PTGER1: variants seen among roughly 807,000 people sequenced by gnomAD.
PTGER1 encodes prostaglandin E receptor 1.
A neutral mutation model predicts 18.5 loss-of-function variants in PTGER1; 15 were observed. That is an observed-to-expected ratio of 0.81 (90% confidence interval 0.54 to 1.25). PTGER1 has a LOEUF of 1.25. Among genes scored for constraint, PTGER1 ranks in the 50% most tolerant of loss-of-function variants. The pLI is 0.00. For synonymous variants in PTGER1, 339 were observed against 308.4 expected (o/e 1.10, Z -1.04); for missense variants, 567 against 603.4 (o/e 0.94, Z 0.63).
Position 14,473,470 on chromosome 19 carries a change from G to C in PTGER1, c.851C>G (p.Ser284Trp). ...TFFGGSRSSG[S>W]ARRARAHDVE... ...GTCGTGGGCGCGAGCTCTGCGTGCC[G>C]AGCCGCTGCTCCGAGAGCCGCCAAA... Residue 284 changes from serine (S) to tryptophan (W), a missense_variant, in exon 2 of 3, where the codon TCG becomes TGG. Transcript: ENST00000292513. The surrounding 1 kb of genome is among the most constrained non-coding windows in gnomAD (Gnocchi z 7.1). 1.9e-6 allele frequency: 3 copies of C among 1,589,902 alleles called. No homozygotes were observed. The highest frequency in any genetic ancestry group is 1.7e-5 in the Admixed American group (1 of 57,444).
chr19:14,473,604 T>A lies in PTGER1; in HGVS notation c.717A>T (p.Arg239=). 13 of 1,462,924 alleles carry A rather than the reference T, an allele frequency of 8.9e-6. No individual in the cohort carries two copies. Among genetic ancestry groups the A allele is most frequent in the Non-Finnish European group, 1.2e-5 (13 of 1,118,104 alleles). The allele number at this position is 1,462,924 out of a possible 1,614,324, so 90.6% of individuals were successfully genotyped here. A position where few individuals can be genotyped will look rare whatever the true frequency, so the allele number is the denominator to read the frequency against. Residue 239 remains arginine, a synonymous_variant, in exon 2 of 3, where the codon CGA becomes CGT. Transcript: ENST00000292513. This position sits in a 1 kb window ranked among gnomAD's most constrained non-coding sequence, Gnocchi z 7.1. The part of the protein sequence containing the change: ...LLRARWRRRS[R]RPPPASGPDS... The stretch of plus-strand genomic sequence containing the variant: ...CGGGGCCTGAGGCCGGGGGAGGCCG[T>A]CGGGAGCGGCGTCGCCAGCGGGCGC...
Position 14,472,583 on chromosome 19 carries a change from G to C in PTGER1, c.1186C>G (p.His396Asp). 6.3e-7 allele frequency: 1 copy of C among 1,592,424 alleles called. No individual in the cohort carries two copies. Among genetic ancestry groups the C allele is most frequent in the Non-Finnish European group, 8.5e-7 (1 of 1,172,260 alleles). ...GCTTAGAAGTGGCTGAGGCCGCTGT[G>C]CCGGGAGCTGCGCAGCGAGCTGGCC... ...WEASSLRSSR[H>D]SGLSHF The change falls in exon 3 of 3, where the codon CAC (histidine) becomes GAC (aspartate). Residue 396 changes from histidine (H) to aspartate (D), a missense_variant. By Grantham distance (81) the His-to-Asp change is moderately conservative. Coordinates refer to ENST00000292513, the MANE Select transcript of PTGER1 (RefSeq NM_000955.3).
chr19:14,472,601 A>G lies in PTGER1; in HGVS notation c.1168T>C (p.Ser390Pro). ...CCGCTGTGCCGGGAGCTGCGCAGCG[A>G]GCTGGCCTCCCAGGCGCTCGGTGTT... ...GLTPSAWEAS[S>P]LRSSRHSGLS... is the part of the protein sequence containing the mutation. The change falls in exon 3 of 3, where the codon TCG becomes CCG. Residue 390 changes from serine to proline, a missense_variant. Coordinates refer to ENST00000292513, the MANE Select transcript of PTGER1 (RefSeq NM_000955.3). 6.2e-7 allele frequency: 1 copy of G among 1,600,294 alleles called. No individual in the cohort carries two copies. Among genetic ancestry groups the G allele is most frequent in the African/African-American group, 1.3e-5 (1 of 74,676 alleles).
Position 14,473,811 on chromosome 19 carries a change from C to A in PTGER1, c.510G>T (p.Leu170=). 1 of 1,400,624 alleles carries A rather than the reference C, an allele frequency of 7.1e-7. No homozygotes were observed. Among genetic ancestry groups the A allele is most frequent in the Non-Finnish European group, 9.3e-7 (1 of 1,076,690 alleles). The allele number at this position is 1,400,624 out of a possible 1,614,324, so 86.8% of individuals were successfully genotyped here. The part of the protein sequence containing the change: ...AVAAVALAVA[L]LPLARVGRYE... ...AGCGGCCCACGCGCGCCAGCGGCAG[C>A]AGCGCCACGGCCAAGGCCACCGCGG... The change falls in exon 2 of 3, where the codon CTG becomes CTT. Residue 170 remains leucine (L), a synonymous_variant. Transcript: ENST00000292513. This position sits in a 1 kb window ranked among gnomAD's most constrained non-coding sequence, Gnocchi z 7.1.
chr19:14,473,256 A>AG lies in PTGER1; in HGVS notation c.942+122dup. ...GGCTTTCGGGGCAGGTGGGGCCTCT[A>AG]GGGGCCGGGGCCTTGGTTGAGTCCA... On this transcript the variant is annotated intron_variant, in intron 2 of 2. Transcript: ENST00000292513. The surrounding 1 kb of genome is among the most constrained non-coding windows in gnomAD (Gnocchi z 7.1). 4 of 1,460,634 alleles carry AG rather than the reference A, an allele frequency of 2.7e-6. No homozygotes were observed. In the Admixed American group the frequency reaches 9.8e-5, roughly 36 times the overall value. The allele number at this position is 1,460,634 out of a possible 1,614,324, so 90.5% of individuals were successfully genotyped here.
rs926453603 is a variant in PTGER1, at chr19:14,474,600, T to C, written c.-17-263A>G. 1.3e-5 allele frequency among the ~76,000 whole-genome samples: 2 copies of C among 149,920 alleles called. No individual in the cohort carries two copies. Among genetic ancestry groups the C allele is most frequent in the South Asian group, 2.1e-4 (1 of 4,828 alleles). On this transcript the variant is annotated intron_variant, in intron 1 of 2. Transcript: ENST00000292513. This position sits in a 1 kb window ranked among gnomAD's most constrained non-coding sequence, Gnocchi z 5.4. ...CCACTGGCCCTTTCTCTGCCCTTCA[T>C]GGTTTCCTGCAAGATTCCCCCCAGC...
At position 14,473,277 on chromosome 19, in the gene PTGER1, G is replaced by T; in HGVS notation, c.942+102C>A. ...CTCTAGGGGCCGGGGCCTTGGTTGA[G>T]TCCAGGATGGAGGCCCCAGGTGTCC... On this transcript the variant is annotated intron_variant, in intron 2 of 2. Transcript: ENST00000292513. The surrounding 1 kb of genome is among the most constrained non-coding windows in gnomAD (Gnocchi z 7.1). 6.6e-7 allele frequency: 1 copy of T among 1,509,032 alleles called. No homozygotes were observed. The highest frequency in any genetic ancestry group is 8.8e-7 in the Non-Finnish European group (1 of 1,134,640). 93.5% of individuals were successfully genotyped at this position (1,509,032 alleles called of 1,614,324 possible).
At position 14,474,278 on chromosome 19, in the gene PTGER1, C is replaced by T. The variant is rs1207181730; in HGVS notation, c.43G>A (p.Ala15Thr). 1.3e-6 allele frequency: 2 copies of T among 1,531,102 alleles called. No individual in the cohort carries two copies. Among genetic ancestry groups the T allele is most frequent in the Non-Finnish European group, 1.7e-6 (2 of 1,145,074 alleles). The allele number at this position is 1,531,102 out of a possible 1,614,324, so 94.8% of individuals were successfully genotyped here. Reference protein sequence around the residue: ...GPLNLSLAGEATTCAAPWVPN... With the variant: ...GPLNLSLAGETTTCAAPWVPN... ...ACCCAGGGCGCCGCGCATGTGGTCG[C>T]CTCGCCCGCCAGGCTCAGGTTGAGG... Residue 15 changes from alanine to threonine, a missense_variant, in exon 2 of 3, where the codon GCG (alanine) becomes ACG (threonine). Physicochemically the swap from Ala to Thr is moderately conservative, Grantham distance 58. Transcript: ENST00000292513. The surrounding 1 kb of genome is among the most constrained non-coding windows in gnomAD (Gnocchi z 5.4).
chr19:14,474,569 C>G lies in PTGER1; in HGVS notation c.-17-232G>C, dbSNP rs2146450647. Among the ~76,000 whole-genome samples the G allele has an allele frequency of 6.6e-6, 1 of 152,262 alleles. No homozygotes were observed. The highest frequency in any genetic ancestry group is 2.1e-4 in the South Asian group (1 of 4,830). On this transcript the variant is annotated intron_variant, in intron 1 of 2. Coordinates refer to ENST00000292513, the MANE Select transcript of PTGER1 (RefSeq NM_000955.3). This position sits in a 1 kb window ranked among gnomAD's most constrained non-coding sequence, Gnocchi z 5.4. ...CCATCTCCTGCTCCAGGGCCTCCCTCTAACCCCACTGGCCCTTTCTCTGCC... is the reference window on the plus strand; with the variant it reads ...CCATCTCCTGCTCCAGGGCCTCCCTGTAACCCCACTGGCCCTTTCTCTGCC...
At position 14,474,033 on chromosome 19, in the gene PTGER1, C is replaced by A. The variant is rs1022995601; in HGVS notation, c.288G>T (p.Leu96=). The A allele has an allele frequency of 2.1e-5, 32 of 1,498,876 alleles. No homozygotes were observed. Among genetic ancestry groups the A allele is most frequent in the Non-Finnish European group, 2.8e-5 (32 of 1,129,362 alleles). The allele number at this position is 1,498,876 out of a possible 1,614,324, so 92.8% of individuals were successfully genotyped here. A position where few individuals can be genotyped will look rare whatever the true frequency, so the allele number is the denominator to read the frequency against. The change falls in exon 2 of 3, where the codon CTG becomes CTT. Residue 96 remains leucine (L), a synonymous_variant. Transcript: ENST00000292513. This position sits in a 1 kb window ranked among gnomAD's most constrained non-coding sequence, Gnocchi z 5.4. ...AGHVIPGALV[L]RLYTAGRAPA... is the part of the protein sequence containing the mutation. ...GAGCGCGCCCCGCAGTGTACAGACG[C>A]AGCACCAGCGCGCCCGGGATCACGT...
At position 14,472,602 on chromosome 19, in the gene PTGER1, G is replaced by A. The variant is rs1408254356; in HGVS notation, c.1167C>T (p.Ser389=). 1 of 1,600,314 alleles carries A rather than the reference G, an allele frequency of 6.2e-7. No individual in the cohort carries two copies. The highest frequency in any genetic ancestry group is 8.5e-7 in the Non-Finnish European group (1 of 1,175,316). The change falls in exon 3 of 3, where the codon AGC becomes AGT. Residue 389 remains serine, a synonymous_variant. Transcript: ENST00000292513. ...LGLTPSAWEA[S]SLRSSRHSGL... The stretch of plus-strand genomic sequence containing the variant: ...CGCTGTGCCGGGAGCTGCGCAGCGA[G>A]CTGGCCTCCCAGGCGCTCGGTGTTA...
rs2071582686 is a variant in PTGER1, at chr19:14,473,266, G to A, written c.942+113C>T. The stretch of plus-strand genomic sequence containing the variant: ...GCAGGTGGGGCCTCTAGGGGCCGGG[G>A]CCTTGGTTGAGTCCAGGATGGAGGC... On this transcript the variant is annotated intron_variant, in intron 2 of 2. Coordinates refer to ENST00000292513, the MANE Select transcript of PTGER1 (RefSeq NM_000955.3). The surrounding 1 kb of genome is among the most constrained non-coding windows in gnomAD (Gnocchi z 7.1). 1 of 1,482,132 alleles carries A rather than the reference G, an allele frequency of 6.7e-7. No individual in the cohort carries two copies. The highest frequency in any genetic ancestry group is 2.3e-5 in the Admixed American group (1 of 43,584). The allele number at this position is 1,482,132 out of a possible 1,614,324, so 91.8% of individuals were successfully genotyped here. A position where few individuals can be genotyped will look rare whatever the true frequency, so the allele number is the denominator to read the frequency against.
Position 14,475,257 on chromosome 19 carries a change from C to G in PTGER1, c.-18+5G>C, listed in dbSNP as rs545433535. 2 of 152,410 alleles carry G rather than the reference C, an allele frequency of 1.3e-5. No individual in the cohort carries two copies. Among genetic ancestry groups the G allele is most frequent in the Non-Finnish European group, 2.9e-5 (2 of 68,144 alleles). The allele number at this position is 152,410 out of a possible 1,614,324, so 9.4% of individuals were successfully genotyped here. A position where few individuals can be genotyped will look rare whatever the true frequency, so the allele number is the denominator to read the frequency against. On this transcript the variant is annotated splice_donor_5th_base_variant and intron_variant, in intron 1 of 2. Coordinates refer to ENST00000292513, the MANE Select transcript of PTGER1 (RefSeq NM_000955.3). ...ATCAGGGACCCTCATGTGCAACCCC[C>G]TTACCCGGCACTGCCTGGGATGTGG...
chr19:14,472,496 CT>C lies in PTGER1; in HGVS notation c.*63del. ...GAATGGCTTTTTATTCCCAAAGGCTCTGCGCCGCGCACCTGGGCCCAGCCCA... is the reference window on the plus strand; with the variant it reads ...GAATGGCTTTTTATTCCCAAAGGCTCGCGCCGCGCACCTGGGCCCAGCCCA... On this transcript the variant is annotated 3_prime_UTR_variant, in exon 3 of 3. Transcript: ENST00000292513. The C allele has an allele frequency of 6.8e-7, 1 of 1,472,180 alleles. No individual in the cohort carries two copies. Among genetic ancestry groups the C allele is most frequent in the Non-Finnish European group, 8.9e-7 (1 of 1,118,986 alleles). 91.2% of individuals were successfully genotyped at this position (1,472,180 alleles called of 1,614,324 possible). A position where few individuals can be genotyped will look rare whatever the true frequency, so the allele number is the denominator to read the frequency against.
rs1167360682 is a variant in PTGER1, at chr19:14,472,665, C to CG, written c.1103dup (p.Arg369GlufsTer?). Reference sequence around the variant, plus strand: ...CGGGGCCGCCCTTGGCTCCGGCCCTCGGGGGCAAGAGGCGAAGCAGTTGGC... The same window carrying CG: ...CGGGGCCGCCCTTGGCTCCGGCCCTCGGGGGGCAAGAGGCGAAGCAGTTGGC... On this transcript the variant is annotated frameshift_variant, in exon 3 of 3. Transcript: ENST00000292513. LOFTEE classifies it low-confidence loss of function (END_TRUNC). 1.9e-6 allele frequency: 3 copies of CG among 1,610,562 alleles called. No individual in the cohort carries two copies. The highest frequency in any genetic ancestry group is 2.2e-5 in the East Asian group (1 of 44,754).
Position 14,473,881 on chromosome 19 carries a change from G to A in PTGER1, c.440C>T (p.Ala147Val), listed in dbSNP as rs912200053. 26 of 1,275,398 alleles carry A rather than the reference G, an allele frequency of 2.0e-5. 1 individual carries two copies. The highest frequency in any genetic ancestry group is 2.9e-4 in the Middle Eastern group (1 of 3,396). The allele number at this position is 1,275,398 out of a possible 1,614,324, so 79.0% of individuals were successfully genotyped here. The change falls in exon 2 of 3, where the codon GCG becomes GTG. Residue 147 changes from alanine to valine, a missense_variant. Ala to Val is a moderately conservative substitution (Grantham distance 64, BLOSUM62 0). Transcript: ENST00000292513. The surrounding 1 kb of genome is among the most constrained non-coding windows in gnomAD (Gnocchi z 7.1). ...GCGCGCGCGGGCGACCGAGACCCGC[G>A]CGGCGTGGAGCAGCGGCCGCGTGAC... ...VGVTRPLLHA[A>V]RVSVARARLA...
rs774908515 is a variant in PTGER1 at position 14,473,421 on chromosome 19, G to C, written c.900C>G (p.Val300=). The C allele has an allele frequency of 6.3e-7, 1 of 1,599,004 alleles. No individual in the cohort carries two copies. Among genetic ancestry groups the C allele is most frequent in the Non-Finnish European group, 8.5e-7 (1 of 1,175,382 alleles). Residue 300 remains valine, a synonymous_variant, in exon 2 of 3, where the codon GTC becomes GTG. Coordinates refer to ENST00000292513, the MANE Select transcript of PTGER1 (RefSeq NM_000955.3). The surrounding 1 kb of genome is among the most constrained non-coding windows in gnomAD (Gnocchi z 7.1). ...AHDVEMVGQL[V]GIMVVSCICW... ...AGATGCACGACACCACCATGATACC[G>C]ACAAGCTGGCCCACCATCTCCACGT...
rs2071582708 is a variant in PTGER1 at position 14,473,268 on chromosome 19, C to A, written c.942+111G>T. 1.3e-6 allele frequency: 2 copies of A among 1,483,216 alleles called. No individual in the cohort carries two copies. Among genetic ancestry groups the A allele is most frequent in the African/African-American group, 2.8e-5 (2 of 70,644 alleles). The allele number at this position is 1,483,216 out of a possible 1,614,324, so 91.9% of individuals were successfully genotyped here. ...AGGTGGGGCCTCTAGGGGCCGGGGC[C>A]TTGGTTGAGTCCAGGATGGAGGCCC... On this transcript the variant is annotated intron_variant, in intron 2 of 2. Transcript: ENST00000292513. This position sits in a 1 kb window ranked among gnomAD's most constrained non-coding sequence, Gnocchi z 7.1.
rs1220552029 is a variant in PTGER1, at chr19:14,473,406, C to T, written c.915G>A (p.Val305=). The T allele has an allele frequency of 6.3e-7, 1 of 1,596,216 alleles. No homozygotes were observed. The highest frequency in any genetic ancestry group is 8.5e-7 in the Non-Finnish European group (1 of 1,174,226). ...MVGQLVGIMV[V]SCICWSPMLV... ...GCATTGGGCTCCAGCAGATGCACGA[C>T]ACCACCATGATACCGACAAGCTGGC... Residue 305 remains valine (V), a synonymous_variant, in exon 2 of 3, where the codon GTG becomes GTA. Transcript: ENST00000292513. This position sits in a 1 kb window ranked among gnomAD's most constrained non-coding sequence, Gnocchi z 7.1.
Sources: allele counts gnomAD v4.1 joint callset (sites outside exome capture counted in the v4.1 genomes callset), GRCh38; gene constraint gnomAD v4.1.1; non-coding constraint Gnocchi (gnomAD v3.1); transcripts MANE v1.5; gene names NCBI Gene and HGNC (gene_info 2026-07-23, HGNC 2026-07-21).